The following LPIN2 variants were observed in gnomAD, a reference collection of about 807,000 sequenced individuals.
LPIN2 encodes the protein lipin 2.
LPIN2 carries 55 observed loss-of-function variants against 111.4 expected under a neutral mutation model. The observed-to-expected ratio is 0.49, with a 90% CI of 0.40 to 0.62. The LOEUF is 0.62. LPIN2 is among the 20% of genes least tolerant of loss of function. The pLI is 0.00. For missense variants in LPIN2, 992 were observed against 1,112.1 expected, an observed-to-expected ratio of 0.89 and a Z score of 1.54; for synonymous variants, 425 against 414.0, an observed-to-expected ratio of 1.03 and a Z score of -0.32.
At chr18:2,941,163 C>T (rs935984943) in intron 4 of LPIN2, among the ~76,000 whole-genome samples, 4 of 152,140 alleles carry the variant, frequency 2.6e-5, no homozygotes, top group Non-Finnish European at 4.4e-5. Context: ...CACTGCTCTC[C>T]CCTTTCTACT....
chr18:3,002,707 A>G (rs542468939), intron 1 of LPIN2, among the ~76,000 whole-genome samples: 3 of 152,330 alleles, frequency 2.0e-5, no homozygotes, highest in South Asian at 2.1e-4. Flanking sequence ...ACATTAAACA[A>G]TGTTTTTCTT....
intron 1 of LPIN2, chr18:2,977,094 G>A (rs1030538426): frequency 6.6e-6 from 1 of 151,800 alleles, no homozygotes; most frequent in African/African-American, 2.4e-5. Context: ...TGAGGTCCTA[G>A]CTCCTTAGAA....
intron 8 of LPIN2, among the ~76,000 whole-genome samples, chr18:2,933,217 A>G (rs1385735960): frequency 1.3e-5 from 2 of 152,248 alleles, no homozygotes; most frequent in Non-Finnish European, 2.9e-5. Context: ...TAAGAAGCTT[A>G]CTTAGTGCAT....
At chr18:2,998,990 T>C (rs1176323320) in intron 1 of LPIN2, among the ~76,000 whole-genome samples, 1 of 152,242 alleles carries the variant, frequency 6.6e-6, no homozygotes, top group Non-Finnish European at 1.5e-5. Context: ...TCTCCAGTTG[T>C]AATCTAAAAA....
chr18:2,937,577 A>C, intron 7 of LPIN2, 115 bp downstream of exon 7: 20 of 593,594 alleles, frequency 3.4e-5, no homozygotes, highest in East Asian at 1.1e-4. Flanking sequence ...AAAAAGTGCG[A>C]CGGGTTTCGA....
At chr18:2,953,287 G>A (rs147147700) in intron 3 of LPIN2, among the ~76,000 whole-genome samples, 22 of 152,192 alleles carry the variant, frequency 1.4e-4, no homozygotes, top group East Asian at 5.8e-4. Flanking sequence ...TCTCGCTTAC[G>A]GTGCCTGCTG....
At chr18:2,971,804 T>C (rs1036399350) in intron 1 of LPIN2, among the ~76,000 whole-genome samples, 1 of 149,384 alleles carries the variant, frequency 6.7e-6, no homozygotes, top group Non-Finnish European at 1.5e-5. Context: ...TCCCAGCACT[T>C]TGGGAGGCCG....
At chr18:3,010,129 G>C (rs974271353) in intron 1 of LPIN2, among the ~76,000 whole-genome samples, 2 of 152,116 alleles carry the variant, frequency 1.3e-5, no homozygotes, top group Admixed American at 1.3e-4. Context: ...TGGACCCCAG[G>C]GTGAGCAACT....
intron 1 of LPIN2, among the ~76,000 whole-genome samples, chr18:2,977,571 C>T (rs1261635826): frequency 6.6e-6 from 1 of 152,104 alleles, no homozygotes; most frequent in African/African-American, 2.4e-5. Flanking sequence ...AATGCTGGAG[C>T]ATCTCGTGGA....
At chr18:2,955,291 C>T (rs1292076025) in intron 2 of LPIN2, among the ~76,000 whole-genome samples, 1 of 152,156 alleles carries the variant, frequency 6.6e-6, no homozygotes, top group Admixed American at 6.5e-5. Context: ...TTGGCATCTG[C>T]TTGGTTTCTG....
chr18:2,937,744 C>T lies in LPIN2; in HGVS notation c.1116G>A (p.Ala372=), dbSNP rs773325510. The T allele has an allele frequency of 6.8e-6, 11 of 1,613,900 alleles. No individual in the cohort carries two copies. Among genetic ancestry groups the T allele is most frequent in the East Asian group, 2.2e-5 (1 of 44,876 alleles). ...TAGCTGCCGGTTTGGATTCTGAGGGCGCCTCCGCTAAGGCTGCGTTGGGAA... is the reference window on the plus strand; with the variant it reads ...TAGCTGCCGGTTTGGATTCTGAGGGTGCCTCCGCTAAGGCTGCGTTGGGAA... ...DHLPNAALAE[A]PSESKPAAKV... is the part of the protein sequence containing the mutation. Residue 372 remains alanine (A), a synonymous_variant, in exon 7 of 20, where the codon GCG becomes GCA. Transcript: ENST00000677752.
chr18:2,958,154 A>C lies in LPIN2; in HGVS notation c.192+2495T>G, dbSNP rs1165854794. 1.2e-4 allele frequency among the ~76,000 whole-genome samples: 13 copies of C among 108,654 alleles called. 1 individual carries two copies. The highest frequency in any genetic ancestry group is 5.3e-4 in the African/African-American group (13 of 24,442). 71.3% of individuals were successfully genotyped at this position (108,654 alleles called of 152,430 possible). A position where few individuals can be genotyped will look rare whatever the true frequency, so the allele number is the denominator to read the frequency against. ...GAGACTCCATCTCAAAAAAAAAAAA[A>C]AAACAACAAAAAAAAAAAACAGAAA... On this transcript the variant is annotated intron_variant, in intron 2 of 19. Coordinates refer to ENST00000677752, the MANE Select transcript of LPIN2 (RefSeq NM_001375808.2).
intron 1 of LPIN2, among the ~76,000 whole-genome samples, chr18:2,991,963 G>A (rs1018079407): frequency 1.3e-5 from 2 of 150,800 alleles, no homozygotes; most frequent in Non-Finnish European, 2.9e-5. Flanking sequence ...AGCTGAGATA[G>A]CGCCACTGCA....
chr18:2,975,256 G>A (rs2077992319), intron 1 of LPIN2, among the ~76,000 whole-genome samples: 1 of 152,112 alleles, frequency 6.6e-6, no homozygotes, highest in South Asian at 2.1e-4. Flanking sequence ...GGAATTTTCA[G>A]GCTATGTGTG....
At chr18:2,923,401 CAA>C (rs59397821) in intron 16 of LPIN2, among the ~76,000 whole-genome samples, 60,495 of 104,670 alleles carry the variant, frequency 0.58, 16,531 homozygotes, top group Middle Eastern at 0.67. Flanking sequence ...GCCTGGGCGA[CAA>C]GAGCAAAACT....
chr18:2,978,630 G>GT (rs1233770720), intron 1 of LPIN2, among the ~76,000 whole-genome samples: 1 of 152,238 alleles, frequency 6.6e-6, no homozygotes, highest in African/African-American at 2.4e-5. Flanking sequence ...AAGGACATTA[G>GT]TAAGAAGAAT....
intron 11 of LPIN2, 111 bp downstream of exon 11, chr18:2,928,480 C>A: frequency 9.7e-7 from 1 of 1,036,162 alleles, no homozygotes; most frequent in East Asian, 2.4e-5. Context: ...ATATTAAGCT[C>A]AAGTAAAACT....
chr18:3,011,919 C>G (rs1567871226), intron 1 of LPIN2: 1 of 152,358 alleles, frequency 6.6e-6, no homozygotes, highest in Non-Finnish European at 1.5e-5. Context: ...GCTTCTCCCC[C>G]GCTTCAGCAT....
intron 12 of LPIN2, 76 bp downstream of exon 12, chr18:2,927,646 G>C (rs1417113284): frequency 3.3e-6 from 5 of 1,525,682 alleles, no homozygotes; most frequent in Non-Finnish European, 4.5e-6. Context: ...TCCTGTGCCT[G>C]ACAAAAAGGT....
Sources: allele counts gnomAD v4.1 joint callset (sites outside exome capture counted in the v4.1 genomes callset), GRCh38; gene constraint gnomAD v4.1.1; transcripts MANE v1.5; gene names NCBI Gene and HGNC (gene_info 2026-07-23, HGNC 2026-07-21).